SUMF2: variants seen among roughly 807,000 people sequenced by gnomAD.
The protein encoded by SUMF2 is inactive C-alpha-formylglycine-generating enzyme 2.
In SUMF2, 45 loss-of-function variants were observed where a neutral mutation model predicts 44.8. The observed-to-expected ratio is 1.00, with a 90% CI of 0.79 to 1.29. SUMF2 has a LOEUF of 1.29. Ranked by LOEUF, SUMF2 falls within the 50% of genes most tolerant of loss-of-function variation. The pLI is 0.00. For missense variants in SUMF2, 418 were observed against 389.9 expected (o/e 1.07, Z -0.61); for synonymous variants, 148 against 150.4 (o/e 0.98, Z 0.12).
intron 4 of SUMF2, 164 bp from the exon 5 acceptor site, chr7:56,074,422 T>C: frequency 9.6e-7 from 1 of 1,045,650 alleles, no homozygotes; most frequent in Non-Finnish European, 1.4e-6. Context: ...TTCAGCCTCC[T>C]GTAGTCTCTT....
chr7:56,073,388 C>A (rs1024769707), intron 3 of SUMF2: 7 of 448,490 alleles, frequency 1.6e-5, no homozygotes, highest in African/African-American at 8.0e-5. Context: ...CGTGGTGTCT[C>A]ATGCCTATAA....
chr7:56,078,047 G>T, intron 6 of SUMF2, 55 bp from the exon 7 acceptor site: 2 of 1,495,998 alleles, frequency 1.3e-6, no homozygotes, highest in Non-Finnish European at 1.8e-6. Flanking sequence ...GGATAGGCAT[G>T]AGGACCTGCT....
intron 2 of SUMF2, among the ~76,000 whole-genome samples, chr7:56,071,434 A>G (rs1795146342): frequency 1.3e-5 from 2 of 152,060 alleles, no homozygotes; most frequent in South Asian, 4.1e-4. Flanking sequence ...TGCTACAGTA[A>G]GCCATGATTG....
chr7:56,079,954 C>T lies in SUMF2; in HGVS notation c.*342C>T, dbSNP rs1795870936. 8.2e-7 allele frequency: 1 copy of T among 1,223,510 alleles called. No individual in the cohort carries two copies. Among genetic ancestry groups the T allele is most frequent in the South Asian group, 1.6e-5 (1 of 62,086 alleles). The allele number at this position is 1,223,510 out of a possible 1,614,324, so 75.8% of individuals were successfully genotyped here. Reference sequence around the variant, plus strand: ...AAGCATTTTAAAATCTATTCTCTCCCCCTTTCTCCCTGGATGATTCAGGAA... The same window carrying T: ...AAGCATTTTAAAATCTATTCTCTCCTCCTTTCTCCCTGGATGATTCAGGAA... On this transcript the variant is annotated 3_prime_UTR_variant, in exon 9 of 9. Coordinates refer to ENST00000434526, the MANE Select transcript of SUMF2 (RefSeq NM_015411.4).
At chr7:56,071,177 G>A (rs1337362628) in intron 2 of SUMF2, among the ~76,000 whole-genome samples, 4 of 151,984 alleles carry the variant, frequency 2.6e-5, no homozygotes, top group Non-Finnish European at 5.9e-5. Context: ...GACCAGCCTG[G>A]GCAACATAGT....
chr7:56,079,946 T>G lies in SUMF2; in HGVS notation c.*334T>G. The G allele has an allele frequency of 1.6e-6, 2 of 1,277,502 alleles. No homozygotes were observed. The highest frequency in any genetic ancestry group is 2.1e-6 in the Non-Finnish European group (2 of 938,722). 79.1% of individuals were successfully genotyped at this position (1,277,502 alleles called of 1,614,324 possible). A position where few individuals can be genotyped will look rare whatever the true frequency, so the allele number is the denominator to read the frequency against. ...CATTTTTTAAGCATTTTAAAATCTA[T>G]TCTCTCCCCCTTTCTCCCTGGATGA... On this transcript the variant is annotated 3_prime_UTR_variant, in exon 9 of 9. Coordinates refer to ENST00000434526, the MANE Select transcript of SUMF2 (RefSeq NM_015411.4).
At position 56,074,685 on chromosome 7, in the gene SUMF2, C is replaced by T. The variant is rs1300054907; in HGVS notation, c.484C>T (p.Arg162Ter). The change falls in exon 5 of 9, where the codon CGA becomes TGA. Residue 162 changes from arginine to a stop codon, truncating the protein, a stop_gained. Transcript: ENST00000434526. LOFTEE classifies it high-confidence loss of function. The part of the protein sequence containing the change: ...ARAYCAWRGK[R>*]LPTEEEWEFA... ...TGCCTACTGTGCTTGGCGGGGAAAA[C>T]GACTGCCCACGGAGGAAGAGTGGGA... The T allele has an allele frequency of 6.2e-7, 1 of 1,614,126 alleles. No homozygotes were observed. Among genetic ancestry groups the T allele is most frequent in the African/African-American group, 1.3e-5 (1 of 75,042 alleles).
downstream of SUMF2, among the ~76,000 whole-genome samples, chr7:56,084,825 G>T (rs1347409385): frequency 6.6e-6 from 1 of 152,168 alleles, no homozygotes; most frequent in African/African-American, 2.4e-5. Context: ...GAACAATCTA[G>T]TTATACCCTG....
chr7:56,083,745 C>A, downstream of SUMF2: 1 of 1,485,810 alleles, frequency 6.7e-7, no homozygotes, highest in Admixed American at 1.9e-5. Context: ...ATAGCTGGAT[C>A]GGTCCCAAGA....
Position 56,074,235 on chromosome 7 carries a change from C to CTACCTCAT in SUMF2, c.384+19_384+26dup. On this transcript the variant is annotated intron_variant, in intron 4 of 8. Coordinates refer to ENST00000434526, the MANE Select transcript of SUMF2 (RefSeq NM_015411.4). ...TGGAGGCAGGTAAGGGCTGATTCCG[C>CTACCTCAT]TACCTCATTTTCTACCCCTGCTTGA... The CTACCTCAT allele has an allele frequency of 6.2e-7, 1 of 1,612,478 alleles. No individual in the cohort carries two copies. Among genetic ancestry groups the CTACCTCAT allele is most frequent in the Non-Finnish European group, 8.5e-7 (1 of 1,178,712 alleles).
At chr7:56,077,008 A>T in intron 6 of SUMF2, 119 bp downstream of exon 6, 1 of 827,066 alleles carries the variant, frequency 1.2e-6, no homozygotes. Context: ...GATGACTCAT[A>T]AGCTGGTAAA....
chr7:56,074,297 C>T (rs1795385563), intron 4 of SUMF2, 79 bp downstream of exon 4: 13 of 1,418,540 alleles, frequency 9.2e-6, no homozygotes, highest in South Asian at 3.5e-5. Flanking sequence ...CTCTACCCCT[C>T]GTACATCCAG....
At chr7:56,087,090 G>A in the SUMF2 span, 3,786 of 1,248,356 alleles carry the variant, frequency 3.0e-3, 75 homozygotes, top group African/African-American at 0.046. Flanking sequence ...GCCGGGGCAC[G>A]GGGGTCAGGG....
chr7:56,082,186 C>T (rs146971620), downstream of SUMF2: 17 of 1,613,854 alleles, frequency 1.1e-5, 1 homozygote, highest in African/African-American at 5.3e-5. Context: ...TCCCGTAGCC[C>T]GGGTGGTCCT....
intron 2 of SUMF2, among the ~76,000 whole-genome samples, chr7:56,070,201 G>A (rs958606872): frequency 2.6e-5 from 4 of 152,012 alleles, no homozygotes; most frequent in African/African-American, 4.8e-5. Context: ...GAGCCACCAC[G>A]CCCGGCCAAA....
downstream of SUMF2, chr7:56,082,163 A>G (rs1449514032): frequency 9.3e-6 from 15 of 1,613,470 alleles, no homozygotes; most frequent in African/African-American, 5.3e-5. Flanking sequence ...GCGCACTCAC[A>G]TGTCCACCTC....
chr7:56,066,681 C>T (rs1326341175), intron 1 of SUMF2, among the ~76,000 whole-genome samples: 5 of 152,212 alleles, frequency 3.3e-5, no homozygotes, highest in African/African-American at 1.2e-4. Context: ...AGTGCAGTGG[C>T]GTGATCTCGG....
At chr7:56,079,056 T>C in intron 8 of SUMF2, 1 of 544,186 alleles carries the variant, frequency 1.8e-6, no homozygotes, top group South Asian at 2.6e-5. Context: ...CTAATTTTTG[T>C]AGAGATGAGT....
chr7:56,074,010 G>GAA, intron 3 of SUMF2, 164 bp from the exon 4 acceptor site: 1 of 571,220 alleles, frequency 1.8e-6, no homozygotes, highest in Non-Finnish European at 2.9e-6. Flanking sequence ...GCAAGATCTT[G>GAA]TCTCAAAAAA....
Sources: gnomAD v4.1 joint callset for allele counts (sites outside exome capture counted in the v4.1 genomes callset) on GRCh38, gnomAD v4.1.1 for gene constraint, MANE v1.5 for transcripts, NCBI Gene and HGNC (gene_info 2026-07-23, HGNC 2026-07-21) for gene names.